MRPL1: variants seen among roughly 807,000 people sequenced by gnomAD.
The protein encoded by MRPL1 is mitochondrial ribosomal protein L1.
MRPL1 carries 28 observed loss-of-function variants against 38.0 expected under a neutral mutation model. That is an observed-to-expected ratio of 0.74 (90% CI 0.55 to 1.01). The LOEUF is 1.01. MRPL1 is among the 50% of genes least tolerant of loss of function. The pLI, the probability that MRPL1 is intolerant of heterozygous loss-of-function variation, is 0.00. For synonymous variants in MRPL1, 123 were observed against 126.7 expected (o/e 0.97, Z 0.20); for missense variants, 358 against 389.8 (o/e 0.92, Z 0.69).
chr4:77,906,258 A>G (rs1489246032), intron 6 of MRPL1, among the ~76,000 whole-genome samples: 1 of 152,206 alleles, frequency 6.6e-6, no homozygotes, highest in African/African-American at 2.4e-5. Context: ...ACTCCTGCTG[A>G]TAGGTCAAGT....
intron 2 of MRPL1, among the ~76,000 whole-genome samples, chr4:77,879,934 G>A (rs187750744): frequency 6.9e-4 from 105 of 152,248 alleles, no homozygotes; most frequent in Admixed American, 1.4e-3. Flanking sequence ...ATTATTAGTG[G>A]TGGTAGTAAG....
intron 2 of MRPL1, among the ~76,000 whole-genome samples, chr4:77,880,259 C>A (rs1735507801): frequency 6.6e-6 from 1 of 152,160 alleles, no homozygotes. Flanking sequence ...TCCTTGCAAT[C>A]CCCAGCTTCA....
chr4:77,937,298 A>G (rs759396003), intron 7 of MRPL1, among the ~76,000 whole-genome samples: 3 of 151,978 alleles, frequency 2.0e-5, no homozygotes, highest in Non-Finnish European at 2.9e-5. Context: ...CTCATATCCA[A>G]AGATTTCCCT....
intron 6 of MRPL1, 146 bp downstream of exon 6, chr4:77,894,396 AT>A: frequency 9.1e-6 from 5 of 548,324 alleles, no homozygotes; most frequent in Non-Finnish European, 1.6e-5. Flanking sequence ...TACGGGTTTG[AT>A]TTTTTTCCCC....
At chr4:77,875,971 A>G (rs576516968) in intron 2 of MRPL1, among the ~76,000 whole-genome samples, 4 of 151,986 alleles carry the variant, frequency 2.6e-5, no homozygotes, top group African/African-American at 9.6e-5. Context: ...TCTTCACTGT[A>G]TTTATTTATT....
intron 2 of MRPL1, among the ~76,000 whole-genome samples, chr4:77,874,099 A>G (rs987556517): frequency 6.6e-6 from 1 of 151,754 alleles, no homozygotes; most frequent in Non-Finnish European, 1.5e-5. Flanking sequence ...CCCGGGTTCA[A>G]ATGATTCTCC....
At chr4:77,880,787 A>T (rs536902774) in intron 2 of MRPL1, among the ~76,000 whole-genome samples, 1 of 152,190 alleles carries the variant, frequency 6.6e-6, no homozygotes, top group Non-Finnish European at 1.5e-5. Flanking sequence ...AGCTTTTGCT[A>T]TGTAACAAAC....
At chr4:77,949,965 C>T in intron 8 of MRPL1, 87 bp downstream of exon 8, 3 of 650,364 alleles carry the variant, frequency 4.6e-6, no homozygotes, top group South Asian at 5.1e-5. Flanking sequence ...AATTAACATG[C>T]AAGTATAATA....
intron 2 of MRPL1, among the ~76,000 whole-genome samples, chr4:77,879,331 A>G (rs942596132): frequency 2.0e-5 from 3 of 152,118 alleles, no homozygotes; most frequent in Non-Finnish European, 2.9e-5. Context: ...GTCCTATTTG[A>G]TCAGTATTAT....
intron 7 of MRPL1, among the ~76,000 whole-genome samples, chr4:77,913,060 A>T (rs559703661): frequency 5.3e-4 from 80 of 152,248 alleles, no homozygotes; most frequent in African/African-American, 1.9e-3. Context: ...TGAATCAAAG[A>T]CCTAAATGTA....
rs965748962 is a variant in MRPL1 at position 77,862,868 on chromosome 4, G to A, written c.20G>A (p.Cys7Tyr). Residue 7 changes from cysteine (C) to tyrosine (Y), a missense_variant, in exon 1 of 9, where the codon TGC becomes TAC. By Grantham distance (194) the Cys-to-Tyr change is radical. Transcript: ENST00000315567. ...CCCAACATGGCGGCGGCCGTAAGGT[G>A]CATGGGTAGAGGTAAGGCGAGGGGT... MAAAVR[C>Y]MGRALIHHQR... The A allele has an allele frequency of 2.2e-5, 35 of 1,614,044 alleles. No homozygotes were observed. The highest frequency in any genetic ancestry group is 2.9e-5 in the Non-Finnish European group (34 of 1,180,042).
rs1022122387 is a variant in MRPL1 at position 77,946,957 on chromosome 4, C to T, written c.778-2840C>T. Reference sequence around the variant, plus strand: ...TTTAAGAATCACTGGTTTGGACATGCTTGTGATTATATTTTGCCCTGAGAT... The same window carrying T: ...TTTAAGAATCACTGGTTTGGACATGTTTGTGATTATATTTTGCCCTGAGAT... On this transcript the variant is annotated intron_variant, in intron 7 of 8. Coordinates refer to ENST00000315567, the MANE Select transcript of MRPL1 (RefSeq NM_020236.4). 2.7e-5 allele frequency among the ~76,000 whole-genome samples: 4 copies of T among 150,170 alleles called. No individual in the cohort carries two copies. The East Asian group carries it at 7.8e-4, about 29-fold the overall frequency.
At chr4:77,863,395 A>G (rs1031251794) in intron 1 of MRPL1, among the ~76,000 whole-genome samples, 2 of 150,842 alleles carry the variant, frequency 1.3e-5, no homozygotes, top group Non-Finnish European at 2.9e-5. Flanking sequence ...ACCTCTTGGT[A>G]GCGCCTCTTT....
intron 1 of MRPL1, among the ~76,000 whole-genome samples, chr4:77,867,746 CTT>C (rs71214374): frequency 0.013 from 1,160 of 91,856 alleles, 7 homozygotes; most frequent in African/African-American, 0.046. Context: ...ATAGTTATTT[CTT>C]TTTTTTTTTT....
chr4:77,915,568 C>T (rs944425179), intron 7 of MRPL1, among the ~76,000 whole-genome samples: 1 of 152,148 alleles, frequency 6.6e-6, no homozygotes, highest in African/African-American at 2.4e-5. Flanking sequence ...GTGTGCGCCA[C>T]CATGCCCAGC....
chr4:77,937,220 CGTTAGACGCACGCAT>C (rs1737006700), intron 7 of MRPL1, among the ~76,000 whole-genome samples: 1 of 152,106 alleles, frequency 6.6e-6, no homozygotes, highest in African/African-American at 2.4e-5. Context: ...TTCCCTTCTG[CGTTAGACGCACGCAT>C]ACTAGACAGA....
intron 5 of MRPL1, 150 bp downstream of exon 5, chr4:77,887,441 T>G: frequency 7.6e-6 from 5 of 654,722 alleles, no homozygotes; most frequent in Non-Finnish European, 1.3e-5. Flanking sequence ...TTTCCAACTT[T>G]CTTCAGTTTC....
intron 7 of MRPL1, among the ~76,000 whole-genome samples, chr4:77,933,951 T>C (rs1312474877): frequency 6.6e-6 from 1 of 152,196 alleles, no homozygotes; most frequent in African/African-American, 2.4e-5. Flanking sequence ...AGTAACTCTA[T>C]TGATAATTAT....
At chr4:77,902,749 T>C (rs1736065060) in intron 6 of MRPL1, among the ~76,000 whole-genome samples, 1 of 152,060 alleles carries the variant, frequency 6.6e-6, no homozygotes, top group African/African-American at 2.4e-5. Flanking sequence ...CAAATAAATG[T>C]GACAATTTAC....
Sources: gnomAD v4.1 joint callset for allele counts (sites outside exome capture counted in the v4.1 genomes callset) on GRCh38, gnomAD v4.1.1 for gene constraint, MANE v1.5 for transcripts, NCBI Gene and HGNC (gene_info 2026-07-23, HGNC 2026-07-21) for gene names.